The following FSTL5 variants were observed in gnomAD, a reference collection of about 807,000 sequenced individuals.
The protein encoded by FSTL5 is follistatin like 5, also known as follistatin-related protein 5.
FSTL5 carries 62 observed loss-of-function variants against 89.1 expected under a neutral mutation model. That is an observed-to-expected ratio of 0.70 (90% CI 0.57 to 0.86). The LOEUF (loss-of-function observed/expected upper bound fraction) is 0.86. FSTL5 is among the 40% of genes least tolerant of loss of function. The pLI is 0.00. For synonymous variants in FSTL5, 383 were observed against 346.2 expected (o/e 1.11, Z -1.18); for missense variants, 1,057 against 1,001.6 (o/e 1.06, Z -0.75).
At chr4:161,722,602 A>T (rs17041371) in intron 6 of FSTL5, among the ~76,000 whole-genome samples, 3,347 of 152,220 alleles carry the variant, frequency 0.022, 94 homozygotes, top group South Asian at 0.069. Flanking sequence ...TTTCCTTATA[A>T]TGGCACTGCT....
intron 1 of FSTL5, among the ~76,000 whole-genome samples, chr4:162,153,704 T>TAATAATATG (rs1441440420): frequency 2.5e-4 from 34 of 137,998 alleles, no homozygotes; most frequent in Middle Eastern, 3.6e-3. Flanking sequence ...TATATGTATA[T>TAATAATATG]TATATATGTA....
intron 8 of FSTL5, among the ~76,000 whole-genome samples, chr4:161,551,339 G>T (rs11734737): frequency 6.6e-6 from 1 of 150,646 alleles, no homozygotes; most frequent in African/African-American, 2.4e-5. Flanking sequence ...GGCCAGTGAT[G>T]ATGAGCATTT....
At position 161,576,808 on chromosome 4, in the gene FSTL5, C is replaced by T. The variant is rs374427483; in HGVS notation, c.1015+10647G>A. 2.5e-4 allele frequency among the ~76,000 whole-genome samples: 38 copies of T among 152,190 alleles called. 1 individual carries two copies. The East Asian group carries it at 6.9e-3, about 28-fold the overall frequency. On this transcript the variant is annotated intron_variant, in intron 8 of 15. Coordinates refer to ENST00000306100, the MANE Select transcript of FSTL5 (RefSeq NM_020116.5). ...AATAATTACCTTCTCAATCCATTGGCCAAAAATTTGTCATAGAAAAAAGTT... is the reference window on the plus strand; with the variant it reads ...AATAATTACCTTCTCAATCCATTGGTCAAAAATTTGTCATAGAAAAAAGTT...
intron 6 of FSTL5, among the ~76,000 whole-genome samples, chr4:161,720,857 T>C (rs1739174586): frequency 1.3e-5 from 2 of 151,790 alleles, no homozygotes; most frequent in Non-Finnish European, 2.9e-5. Flanking sequence ...TTGCCAGGGG[T>C]TGTGGGGAGG....
At chr4:161,760,275 C>T (rs1293850298) in intron 5 of FSTL5, among the ~76,000 whole-genome samples, 1 of 152,164 alleles carries the variant, frequency 6.6e-6, no homozygotes, top group Non-Finnish European at 1.5e-5. Context: ...TATAACAGAG[C>T]TTACCAAGAT....
At chr4:161,816,366 G>A (rs1040930070) in intron 4 of FSTL5, among the ~76,000 whole-genome samples, 1 of 152,134 alleles carries the variant, frequency 6.6e-6, no homozygotes, top group East Asian at 1.9e-4. Flanking sequence ...ATATGTCACT[G>A]ATGTTAATGT....
chr4:161,998,007 G>A (rs1736353023), intron 3 of FSTL5, among the ~76,000 whole-genome samples: 2 of 152,068 alleles, frequency 1.3e-5, no homozygotes, highest in Non-Finnish European at 2.9e-5. Context: ...AAGCCACAAT[G>A]GCCTCAAATG....
chr4:161,594,150 A>G (rs552762112), intron 7 of FSTL5, among the ~76,000 whole-genome samples: 4 of 152,286 alleles, frequency 2.6e-5, no homozygotes, highest in African/African-American at 9.6e-5. Flanking sequence ...TAACATAGAC[A>G]TAAACACAGG....
chr4:161,857,259 T>C (rs1179807041), intron 4 of FSTL5, among the ~76,000 whole-genome samples: 1 of 152,134 alleles, frequency 6.6e-6, no homozygotes, highest in African/African-American at 2.4e-5. Context: ...TCAAATCAGA[T>C]ACATATTTTA....
chr4:161,862,886 G>C (rs1387231252), intron 4 of FSTL5, among the ~76,000 whole-genome samples: 1 of 152,084 alleles, frequency 6.6e-6, no homozygotes, highest in Non-Finnish European at 1.5e-5. Context: ...TAAATGTATG[G>C]ATGAGTAAAA....
intron 15 of FSTL5, among the ~76,000 whole-genome samples, chr4:161,451,182 C>A (rs114294857): frequency 0.057 from 7,195 of 125,670 alleles, 541 homozygotes; most frequent in African/African-American, 0.19. Flanking sequence ...ACTCCTTTTG[C>A]ACTCCATAAT....
chr4:161,841,157 A>G (rs1017887390), intron 4 of FSTL5, among the ~76,000 whole-genome samples: 1 of 152,152 alleles, frequency 6.6e-6, no homozygotes, highest in Non-Finnish European at 1.5e-5. Flanking sequence ...ACACTTCTAT[A>G]AACAGTTCCT....
At chr4:161,822,915 C>A (rs1014237639) in intron 4 of FSTL5, among the ~76,000 whole-genome samples, 2 of 152,136 alleles carry the variant, frequency 1.3e-5, no homozygotes, top group Non-Finnish European at 2.9e-5. Context: ...AATGAGTGTC[C>A]AGCTCTCAGC....
intron 12 of FSTL5, among the ~76,000 whole-genome samples, chr4:161,494,498 A>G (rs950246526): frequency 6.6e-6 from 1 of 152,218 alleles, no homozygotes; most frequent in African/African-American, 2.4e-5. Flanking sequence ...CAGCAGAGAA[A>G]GAAATGTGGA....
intron 15 of FSTL5, among the ~76,000 whole-genome samples, chr4:161,417,133 G>A (rs185441535): frequency 1.6e-3 from 246 of 152,240 alleles, no homozygotes; most frequent in African/African-American, 5.8e-3. Context: ...TATGCAGTAT[G>A]CTATACTAAA....
intron 2 of FSTL5, among the ~76,000 whole-genome samples, chr4:162,093,166 C>T (rs992497977): frequency 6.6e-6 from 1 of 151,886 alleles, no homozygotes; most frequent in Non-Finnish European, 1.5e-5. Flanking sequence ...AAATGAGAAG[C>T]GTAGTGATAG....
At chr4:162,028,335 G>A (rs551675471) in intron 3 of FSTL5, among the ~76,000 whole-genome samples, 2 of 152,268 alleles carry the variant, frequency 1.3e-5, no homozygotes, top group East Asian at 3.9e-4. Context: ...CCAGCACTTT[G>A]GGAAGGTGAG....
intron 6 of FSTL5, among the ~76,000 whole-genome samples, chr4:161,738,027 T>C (rs536714262): frequency 6.6e-6 from 1 of 152,204 alleles, no homozygotes; most frequent in Non-Finnish European, 1.5e-5. Flanking sequence ...AAAATGGGGA[T>C]GTTCATATTT....
At chr4:162,131,850 T>C (rs1032270597) in intron 1 of FSTL5, among the ~76,000 whole-genome samples, 43 of 152,308 alleles carry the variant, frequency 2.8e-4, no homozygotes, top group Middle Eastern at 3.4e-3. Context: ...TTTACACTTA[T>C]CAGATTTTGG....
Sources: gnomAD v4.1 joint callset for allele counts (sites outside exome capture counted in the v4.1 genomes callset) on GRCh38, gnomAD v4.1.1 for gene constraint, MANE v1.5 for transcripts, NCBI Gene and HGNC (gene_info 2026-07-23, HGNC 2026-07-21) for gene names.